STAT4: variants seen among roughly 807,000 people sequenced by gnomAD.
STAT4 encodes the protein signal transducer and activator of transcription 4.
STAT4 carries 42 observed loss-of-function variants against 110.5 expected under a neutral mutation model. The ratio of observed to expected loss-of-function variants is 0.38; its 90% CI spans 0.30 to 0.49. STAT4 has a LOEUF of 0.49. STAT4 is among the 20% of genes least tolerant of loss of function. STAT4 has a pLI of 0.95. For missense variants in STAT4, 632 were observed against 887.9 expected (o/e 0.71, Z 3.66); for synonymous variants, 284 against 302.2 (o/e 0.94, Z 0.63).
At chr2:191,038,804 CT>C (rs1486471557) in intron 16 of STAT4, among the ~76,000 whole-genome samples, 1 of 152,198 alleles carries the variant, frequency 6.6e-6, no homozygotes, top group African/African-American at 2.4e-5. Context: ...TACTTACTTA[CT>C]TGGAAACCAA....
rs771372502 is a variant in STAT4, at chr2:191,033,141, T to G, written c.1861A>C (p.Arg621=). 1 of 1,612,236 alleles carries G rather than the reference T, an allele frequency of 6.2e-7. No individual in the cohort carries two copies. Among genetic ancestry groups the G allele is most frequent in the East Asian group, 2.2e-5 (1 of 44,876 alleles). The stretch of plus-strand genomic sequence containing the variant: ...TTGTAGGGTTCTACAGAGTGGAATC[T>G]CACTTCCCCTTGAAAAACAGAAATT... The part of the protein sequence containing the change: ...WVDHSESGEV[R]FHSVEPYNKG... The change falls in exon 21 of 24, where the codon AGA becomes CGA. Residue 621 remains arginine, a synonymous_variant. Coordinates refer to ENST00000392320, the MANE Select transcript of STAT4 (RefSeq NM_003151.4). The surrounding 1 kb of genome is among the most constrained non-coding windows in gnomAD (Gnocchi z 6.9).
Position 191,051,195 on chromosome 2 carries a change from A to G in STAT4, c.1251+3295T>C, listed in dbSNP as rs10931479. Among the ~76,000 whole-genome samples, 1,309 of 152,334 alleles carry G rather than the reference A, an allele frequency of 8.6e-3. 8 individuals carry two copies. The highest frequency in any genetic ancestry group is 0.028 in the East Asian group (143 of 5,184). On this transcript the variant is annotated intron_variant, in intron 14 of 23. Coordinates refer to ENST00000392320, the MANE Select transcript of STAT4 (RefSeq NM_003151.4). The surrounding 1 kb of genome is among the most constrained non-coding windows in gnomAD (Gnocchi z 5.6). ...GCCAGGGTCCCCTGAAAGGGACCACATCTCCAGCAGAGCACTTGACAGGTG... is the reference window on the plus strand; with the variant it reads ...GCCAGGGTCCCCTGAAAGGGACCACGTCTCCAGCAGAGCACTTGACAGGTG...
intron 5 of STAT4, among the ~76,000 whole-genome samples, chr2:191,071,397 C>G (rs980075183): frequency 6.6e-6 from 1 of 152,164 alleles, no homozygotes; most frequent in African/African-American, 2.4e-5. Flanking sequence ...AACCTACATG[C>G]ATGAGAAAAT....
rs1194721291 is a variant in STAT4 at position 191,144,087 on chromosome 2, T to C, written c.273+2526A>G. ...TCAAATATCTTAATTCACCAAATTG[T>C]TTTTTGAATTCCTAGTGTGCACTAG... On this transcript the variant is annotated intron_variant, in intron 3 of 23. Coordinates refer to ENST00000392320, the MANE Select transcript of STAT4 (RefSeq NM_003151.4). This position sits in a 1 kb window ranked among gnomAD's most constrained non-coding sequence, Gnocchi z 4.7. 2.0e-5 allele frequency among the ~76,000 whole-genome samples: 3 copies of C among 152,044 alleles called. No homozygotes were observed. Among genetic ancestry groups the C allele is most frequent in the Admixed American group, 6.6e-5 (1 of 15,232 alleles).
In STAT4 at chr2:191,066,693, C is replaced by T. The variant is rs1226947488; in HGVS notation, c.545-178G>A. ...CTCATTTTGCCAGGGAGAATCACAT[C>T]CAAGCATGCAAAAAAGGACCTCTTT... On this transcript the variant is annotated intron_variant, in intron 6 of 23. Transcript: ENST00000392320. This position sits in a 1 kb window ranked among gnomAD's most constrained non-coding sequence, Gnocchi z 4.3. 6.6e-6 allele frequency among the ~76,000 whole-genome samples: 1 copy of T among 152,032 alleles called. No individual in the cohort carries two copies. Among genetic ancestry groups the T allele is most frequent in the Non-Finnish European group, 1.5e-5 (1 of 68,000 alleles).
chr2:191,147,611 A>G lies in STAT4; in HGVS notation c.128+465T>C, dbSNP rs1699490781. On this transcript the variant is annotated intron_variant, in intron 2 of 23. Coordinates refer to ENST00000392320, the MANE Select transcript of STAT4 (RefSeq NM_003151.4). The surrounding 1 kb of genome is among the most constrained non-coding windows in gnomAD (Gnocchi z 4.1). ...GTGATGGTTGCATAATAATGTGAATATATGTAATGCCACTGAATAGTACAC... is the reference window on the plus strand; with the variant it reads ...GTGATGGTTGCATAATAATGTGAATGTATGTAATGCCACTGAATAGTACAC... Among the ~76,000 whole-genome samples, 2 of 152,252 alleles carry G rather than the reference A, an allele frequency of 1.3e-5. No individual in the cohort carries two copies. The highest frequency in any genetic ancestry group is 1.3e-4 in the Admixed American group (2 of 15,288).
In STAT4 at chr2:191,147,107, A is replaced by G. The variant is rs12997139; in HGVS notation, c.129-350T>C. ...AAACTATATGACAGTTACCCAAAAT[A>G]TTAAACATAAAATTGCTATATGACC... is the stretch of plus-strand genomic sequence containing the variant. On this transcript the variant is annotated intron_variant, in intron 2 of 23. Coordinates refer to ENST00000392320, the MANE Select transcript of STAT4 (RefSeq NM_003151.4). The surrounding 1 kb of genome is among the most constrained non-coding windows in gnomAD (Gnocchi z 4.1). 0.09 allele frequency among the ~76,000 whole-genome samples: 13,768 copies of G among 152,184 alleles called. 693 individuals carry two copies. Among genetic ancestry groups the G allele is most frequent in the East Asian group, 0.21 (1,092 of 5,182 alleles).
chr2:191,054,148 GA>G (rs949797978), intron 14 of STAT4, among the ~76,000 whole-genome samples: 8 of 129,082 alleles, frequency 6.2e-5, no homozygotes, highest in East Asian at 2.4e-4. Context: ...AAAAAAGAAA[GA>G]AAAAAAAGAT....
At chr2:191,034,285 T>C (rs1285722654) in intron 18 of STAT4, among the ~76,000 whole-genome samples, 2 of 151,434 alleles carry the variant, frequency 1.3e-5, no homozygotes, top group Non-Finnish European at 2.9e-5. Context: ...TAGCCGGGCG[T>C]GGTGGTGGGT....
In STAT4 at chr2:191,032,596, G is replaced by A. The variant is rs554669062; in HGVS notation, c.2044+362C>T. Among the ~76,000 whole-genome samples, 3 of 152,150 alleles carry A rather than the reference G, an allele frequency of 2.0e-5. No individual in the cohort carries two copies. Among genetic ancestry groups the A allele is most frequent in the African/African-American group, 7.2e-5 (3 of 41,426 alleles). On this transcript the variant is annotated intron_variant, in intron 21 of 23. Transcript: ENST00000392320. This position sits in a 1 kb window ranked among gnomAD's most constrained non-coding sequence, Gnocchi z 4.9. ...ATACAGACTTGTTTTACTATTAAAAGCTTCTCATCATTACCCCCTCTTTCT... is the reference window on the plus strand; with the variant it reads ...ATACAGACTTGTTTTACTATTAAAAACTTCTCATCATTACCCCCTCTTTCT...
At position 191,117,833 on chromosome 2, in the gene STAT4, C is replaced by T. The variant is rs1357152668; in HGVS notation, c.273+28780G>A. On this transcript the variant is annotated intron_variant, in intron 3 of 23. Coordinates refer to ENST00000392320, the MANE Select transcript of STAT4 (RefSeq NM_003151.4). The surrounding 1 kb of genome is among the most constrained non-coding windows in gnomAD (Gnocchi z 5.2). ...CACATTCCCAAATTCCACCTTTGAC[C>T]TATTCAGTGAGAATTGGAAATGGGG... Among the ~76,000 whole-genome samples, 2 of 152,124 alleles carry T rather than the reference C, an allele frequency of 1.3e-5. No individual in the cohort carries two copies. The highest frequency in any genetic ancestry group is 4.8e-5 in the African/African-American group (2 of 41,428).
chr2:191,092,629 T>C (rs1379666486), intron 3 of STAT4, among the ~76,000 whole-genome samples: 2 of 152,182 alleles, frequency 1.3e-5, no homozygotes, highest in Non-Finnish European at 2.9e-5. Flanking sequence ...CCAGTGTGAT[T>C]GATGCAGAAG....
chr2:191,096,104 C>T (rs1009255429), intron 3 of STAT4, among the ~76,000 whole-genome samples: 2 of 152,076 alleles, frequency 1.3e-5, no homozygotes, highest in East Asian at 1.9e-4. Context: ...CAATAACAGG[C>T]TCTGAAATCA....
rs1355545313 is a variant in STAT4 at position 191,144,862 on chromosome 2, T to C, written c.273+1751A>G. Among the ~76,000 whole-genome samples, 2 of 152,192 alleles carry C rather than the reference T, an allele frequency of 1.3e-5. No homozygotes were observed. Among genetic ancestry groups the C allele is most frequent in the Non-Finnish European group, 2.9e-5 (2 of 68,042 alleles). ...AATTCCAAAAGGTAGATAATAATTA[T>C]CTTTGTTTACATTAAAAGATACAGG... On this transcript the variant is annotated intron_variant, in intron 3 of 23. Transcript: ENST00000392320. This position sits in a 1 kb window ranked among gnomAD's most constrained non-coding sequence, Gnocchi z 4.7.
At chr2:191,093,368 T>C (rs1697862745) in intron 3 of STAT4, among the ~76,000 whole-genome samples, 1 of 151,998 alleles carries the variant, frequency 6.6e-6, no homozygotes. Flanking sequence ...CAGGCAGCAA[T>C]ATTTGTTGTT....
Position 191,051,995 on chromosome 2 carries a change from G to T in STAT4, c.1251+2495C>A, listed in dbSNP as rs1280294500. Among the ~76,000 whole-genome samples the T allele has an allele frequency of 6.6e-6, 1 of 152,216 alleles. No individual in the cohort carries two copies. Among genetic ancestry groups the T allele is most frequent in the Non-Finnish European group, 1.5e-5 (1 of 68,044 alleles). On this transcript the variant is annotated intron_variant, in intron 14 of 23. Coordinates refer to ENST00000392320, the MANE Select transcript of STAT4 (RefSeq NM_003151.4). This position sits in a 1 kb window ranked among gnomAD's most constrained non-coding sequence, Gnocchi z 5.6. ...CAGTATATAGTAAATGCCACACGAG[G>T]ATTGTTGAAGACATTCTTAGCAGGC... is the stretch of plus-strand genomic sequence containing the variant.
In STAT4 at chr2:191,120,154, A is replaced by G. The variant is rs987347555; in HGVS notation, c.273+26459T>C. ...GCAAGCAAAGTTTCTTTAAAAAAAG[A>G]CACAAAGAACGGTAACATTTTAAAA... On this transcript the variant is annotated intron_variant, in intron 3 of 23. Coordinates refer to ENST00000392320, the MANE Select transcript of STAT4 (RefSeq NM_003151.4). Among the ~76,000 whole-genome samples, 3 of 152,250 alleles carry G rather than the reference A, an allele frequency of 2.0e-5. No individual in the cohort carries two copies. The East Asian group carries it at 5.8e-4, about 29-fold the overall frequency.
chr2:191,093,191 A>C (rs1391813074), intron 3 of STAT4, among the ~76,000 whole-genome samples: 1 of 152,204 alleles, frequency 6.6e-6, no homozygotes, highest in African/African-American at 2.4e-5. Context: ...TGAAGAGAGC[A>C]GTGGTTCTCC....
chr2:191,136,005 G>GAAAAAAAAAAAAAAA (rs745380203), intron 3 of STAT4, among the ~76,000 whole-genome samples: 2 of 79,778 alleles, frequency 2.5e-5, no homozygotes, highest in African/African-American at 5.2e-5. Flanking sequence ...CAGCATCTCA[G>GAAAAAAAAAAAAAAA]AAAAAAAAAA....
Sources: gnomAD v4.1 joint callset for allele counts (sites outside exome capture counted in the v4.1 genomes callset) on GRCh38, gnomAD v4.1.1 for gene constraint, Gnocchi (gnomAD v3.1) non-coding constraint, MANE v1.5 for transcripts, NCBI Gene and HGNC (gene_info 2026-07-23, HGNC 2026-07-21) for gene names.